The following HECW1 variants were observed in gnomAD, a reference collection of about 807,000 sequenced individuals.
HECW1 encodes E3 ubiquitin-protein ligase HECW1.
In HECW1, 61 loss-of-function variants were observed where a neutral mutation model predicts 182.3. The observed-to-expected ratio is 0.33, with a 90% CI of 0.27 to 0.41. HECW1 has a LOEUF of 0.41. Among genes scored for constraint, HECW1 ranks in the 10% least tolerant of loss-of-function variants. The pLI is 1.00. For missense variants in HECW1, 1,739 were observed against 2,108.9 expected (o/e 0.82, Z 3.44); for synonymous variants, 859 against 832.6 (o/e 1.03, Z -0.55).
intron 3 of HECW1, among the ~76,000 whole-genome samples, chr7:43,291,352 GTTT>G (rs1805380839): frequency 6.6e-6 from 1 of 152,156 alleles, no homozygotes; most frequent in Admixed American, 6.6e-5. Context: ...TTGGCTAACA[GTTT>G]AAAACTTTTT....
At chr7:43,417,489 C>T (rs1008284959) in intron 8 of HECW1, among the ~76,000 whole-genome samples, 1 of 151,992 alleles carries the variant, frequency 6.6e-6, no homozygotes, top group African/African-American at 2.4e-5. Flanking sequence ...ATTTAATGTC[C>T]TGCAGATATT....
chr7:43,185,745 A>G (rs996015316), intron 2 of HECW1, among the ~76,000 whole-genome samples: 3 of 152,222 alleles, frequency 2.0e-5, no homozygotes, highest in Admixed American at 6.5e-5. Flanking sequence ...AATAACTTCA[A>G]AAGCACAGAT....
chr7:43,275,090 T>C (rs1001517890), intron 3 of HECW1, among the ~76,000 whole-genome samples: 4 of 152,130 alleles, frequency 2.6e-5, no homozygotes, highest in African/African-American at 9.7e-5. Context: ...TACTCAGAAA[T>C]TGGTGCAAGG....
At chr7:43,179,069 A>G (rs1039310334) in intron 2 of HECW1, among the ~76,000 whole-genome samples, 5 of 152,228 alleles carry the variant, frequency 3.3e-5, no homozygotes, top group Admixed American at 1.3e-4. Flanking sequence ...CCGAGGAAAA[A>G]GAAAGCATTT....
Position 43,501,204 on chromosome 7 carries a change from CAT to C in HECW1, c.3522-6_3522-5del. 2.2e-6 allele frequency: 1 copy of C among 451,150 alleles called. No individual in the cohort carries two copies. The highest frequency in any genetic ancestry group is 3.4e-6 in the Non-Finnish European group (1 of 298,362). The allele number at this position is 451,150 out of a possible 1,614,324, so 27.9% of individuals were successfully genotyped here. A position where few individuals can be genotyped will look rare whatever the true frequency, so the allele number is the denominator to read the frequency against. Reference sequence around the variant, plus strand: ...CTTTCTTTTTTTTTTTTTTTTTTTTCATATGCAGTCTCTTTGAAGAAGAGATT... The same window carrying C: ...CTTTCTTTTTTTTTTTTTTTTTTTTCATGCAGTCTCTTTGAAGAAGAGATT... On this transcript the variant is annotated splice_polypyrimidine_tract_variant and splice_region_variant and intron_variant, in intron 20 of 29. Coordinates refer to ENST00000395891, the MANE Select transcript of HECW1 (RefSeq NM_015052.5).
At chr7:43,498,725 C>T (rs1036797247) in intron 19 of HECW1, among the ~76,000 whole-genome samples, 7 of 152,114 alleles carry the variant, frequency 4.6e-5, no homozygotes, top group African/African-American at 1.7e-4. Context: ...CTGGTGATGC[C>T]ATTTCCTGCA....
intron 19 of HECW1, among the ~76,000 whole-genome samples, chr7:43,499,980 C>A (rs2079274078): frequency 6.6e-6 from 1 of 152,158 alleles, no homozygotes; most frequent in African/African-American, 2.4e-5. Context: ...GGGGCCGGGC[C>A]CCCTCTGTGC....
intron 8 of HECW1, among the ~76,000 whole-genome samples, chr7:43,422,368 GTT>G (rs56093938): frequency 0.19 from 23,441 of 126,532 alleles, 1,896 homozygotes; most frequent in Middle Eastern, 0.24. Flanking sequence ...GGTTGTTGTT[GTT>G]TTTTTTTTTT....
chr7:43,362,557 C>A (rs995818131), intron 6 of HECW1, among the ~76,000 whole-genome samples: 1 of 152,200 alleles, frequency 6.6e-6, no homozygotes, highest in Non-Finnish European at 1.5e-5. Context: ...CTCTTCCAGG[C>A]CCGTTTGTTT....
rs572346889 is a variant in HECW1, at chr7:43,550,297, A to G, written c.4249-148A>G. The G allele has an allele frequency of 3.6e-6, 3 of 824,968 alleles. No homozygotes were observed. In the East Asian group the frequency reaches 8.0e-5, roughly 22 times the overall value. 51.1% of individuals were successfully genotyped at this position (824,968 alleles called of 1,614,324 possible). A position where few individuals can be genotyped will look rare whatever the true frequency, so the allele number is the denominator to read the frequency against. ...AGCCAGAGCTCTTTTAGTGACCTTT[A>G]GCAAGGAAAAAAGACTCCAGGGATA... On this transcript the variant is annotated intron_variant, in intron 26 of 29. Coordinates refer to ENST00000395891, the MANE Select transcript of HECW1 (RefSeq NM_015052.5).
At chr7:43,373,201 CTTTTTTT>C (rs71562094) in intron 6 of HECW1, among the ~76,000 whole-genome samples, 3 of 125,998 alleles carry the variant, frequency 2.4e-5, no homozygotes, top group Non-Finnish European at 4.9e-5. Flanking sequence ...TGCCTTCTTC[CTTTTTTT>C]TTTTTTTTTT....
At chr7:43,347,581 T>C (rs1283836632) in intron 5 of HECW1, among the ~76,000 whole-genome samples, 2 of 151,948 alleles carry the variant, frequency 1.3e-5, no homozygotes, top group African/African-American at 4.8e-5. Flanking sequence ...GTGGTGAGAG[T>C]GGTCATCCTT....
chr7:43,405,583 T>A (rs1338702068), intron 7 of HECW1, among the ~76,000 whole-genome samples: 1 of 152,062 alleles, frequency 6.6e-6, no homozygotes, highest in East Asian at 1.9e-4. Context: ...TTCTACTAGA[T>A]GGCTGGTTGG....
At chr7:43,498,130 C>T (rs1288010202) in intron 19 of HECW1, among the ~76,000 whole-genome samples, 1 of 152,212 alleles carries the variant, frequency 6.6e-6, no homozygotes, top group Admixed American at 6.5e-5. Context: ...ACACCACTGG[C>T]TATGCATGAC....
chr7:43,519,407 G>A (rs2117272), intron 24 of HECW1, among the ~76,000 whole-genome samples: 36,695 of 151,898 alleles, frequency 0.24, 4,637 homozygotes, highest in South Asian at 0.43. Flanking sequence ...TATCACACCC[G>A]GCTAATTTTT....
At chr7:43,541,574 T>A (rs1343667724) in intron 25 of HECW1, among the ~76,000 whole-genome samples, 4 of 152,238 alleles carry the variant, frequency 2.6e-5, no homozygotes, top group Non-Finnish European at 5.9e-5. Flanking sequence ...AGAACTGATC[T>A]GTTTATAGCA....
intron 24 of HECW1, among the ~76,000 whole-genome samples, chr7:43,516,786 G>A (rs927080257): frequency 1.3e-5 from 2 of 152,212 alleles, no homozygotes; most frequent in African/African-American, 4.8e-5. Flanking sequence ...AGATGGCAGA[G>A]CCTACCTCAC....
At position 43,563,003 on chromosome 7, in the gene HECW1, C is replaced by A; in HGVS notation, c.*1077C>A. The A allele has an allele frequency of 5.0e-6, 1 of 198,172 alleles. No individual in the cohort carries two copies. The allele number at this position is 198,172 out of a possible 1,614,324, so 12.3% of individuals were successfully genotyped here. ...TTTTAAAACTTTGATATTTTTTTTT[C>A]ACATTTTTTTTTCCTTTTCCTTTCT... is the stretch of plus-strand genomic sequence containing the variant. On this transcript the variant is annotated 3_prime_UTR_variant, in exon 30 of 30. Transcript: ENST00000395891.
At chr7:43,251,330 G>A (rs1212480411) in intron 3 of HECW1, among the ~76,000 whole-genome samples, 2 of 152,008 alleles carry the variant, frequency 1.3e-5, no homozygotes, top group African/African-American at 4.8e-5. Flanking sequence ...ATTTTTTTGA[G>A]ATGGAGTCTC....
Sources: gnomAD v4.1 joint callset for allele counts (sites outside exome capture counted in the v4.1 genomes callset) on GRCh38, gnomAD v4.1.1 for gene constraint, MANE v1.5 for transcripts, NCBI Gene and HGNC (gene_info 2026-07-23, HGNC 2026-07-21) for gene names.